MACROD2: variants seen among roughly 807,000 people sequenced by gnomAD.
The protein encoded by MACROD2 is mono-ADP ribosylhydrolase 2, also known as ADP-ribose glycohydrolase MACROD2.
Under a neutral mutation model 70.4 loss-of-function variants are expected in MACROD2, and 36 were observed. That is an observed-to-expected ratio of 0.51 (90% CI 0.39 to 0.68). The LOEUF (loss-of-function observed/expected upper bound fraction) is 0.68, where lower values mean the gene tolerates loss of function less well. Ranked by LOEUF, MACROD2 falls within the 30% of genes least tolerant of loss-of-function variation. MACROD2 has a pLI of 0.00. For missense variants in MACROD2, 496 were observed against 538.4 expected, an observed-to-expected ratio of 0.92 and a Z score of 0.78; for synonymous variants, 172 against 178.8, an observed-to-expected ratio of 0.96 and a Z score of 0.30.
At chr20:14,541,856 AAAT>A (rs957470064) in intron 4 of MACROD2, among the ~76,000 whole-genome samples, 3 of 152,200 alleles carry the variant, frequency 2.0e-5, no homozygotes, top group African/African-American at 7.2e-5. Context: ...TAGATCCTTT[AAAT>A]AATATGATTC....
intron 6 of MACROD2, among the ~76,000 whole-genome samples, chr20:15,420,072 T>G (rs2046207104): frequency 6.6e-6 from 1 of 152,216 alleles, no homozygotes; most frequent in Admixed American, 6.5e-5. Context: ...CTGTTCTCCT[T>G]TTCACATATG....
chr20:14,499,759 C>T (rs901752030), intron 4 of MACROD2, among the ~76,000 whole-genome samples: 2 of 152,094 alleles, frequency 1.3e-5, no homozygotes, highest in Admixed American at 6.6e-5. Flanking sequence ...TCCCTCCTGC[C>T]TCCCTTCCTT....
intron 5 of MACROD2, among the ~76,000 whole-genome samples, chr20:15,051,773 G>T (rs1355315871): frequency 2.1e-5 from 3 of 140,766 alleles, no homozygotes; most frequent in African/African-American, 5.6e-5. Context: ...TTTTTTTGAC[G>T]GAGTCTTTCT....
chr20:15,889,252 C>T (rs946469557), intron 10 of MACROD2, among the ~76,000 whole-genome samples: 2 of 152,132 alleles, frequency 1.3e-5, no homozygotes, highest in Non-Finnish European at 2.9e-5. Context: ...ACAATTAGCT[C>T]GTGTGAGCTG....
chr20:14,792,191 G>T (rs763513771), intron 5 of MACROD2, among the ~76,000 whole-genome samples: 4 of 151,792 alleles, frequency 2.6e-5, no homozygotes, highest in Non-Finnish European at 4.4e-5. Context: ...CTCTTTTTAT[G>T]CAATCCATTA....
At chr20:14,170,379 A>G (rs1249868890) in intron 3 of MACROD2, among the ~76,000 whole-genome samples, 2 of 152,178 alleles carry the variant, frequency 1.3e-5, no homozygotes, top group Non-Finnish European at 2.9e-5. Context: ...TTCCAGTACT[A>G]TGTTGAATAT....
At chr20:14,778,562 C>T (rs1456366746) in intron 5 of MACROD2, among the ~76,000 whole-genome samples, 3 of 152,084 alleles carry the variant, frequency 2.0e-5, no homozygotes, top group Non-Finnish European at 2.9e-5. Context: ...TCTCAGCCAG[C>T]GGGGCAATGT....
intron 2 of MACROD2, among the ~76,000 whole-genome samples, chr20:14,031,556 G>A (rs995030987): frequency 6.6e-6 from 1 of 151,914 alleles, no homozygotes; most frequent in African/African-American, 2.4e-5. Context: ...TTTTTTTCCT[G>A]GACATTGATT....
intron 3 of MACROD2, among the ~76,000 whole-genome samples, chr20:14,308,637 T>C (rs923167924): frequency 6.6e-6 from 1 of 152,164 alleles, no homozygotes; most frequent in African/African-American, 2.4e-5. Context: ...AACAAATCAA[T>C]TGTGGATTAG....
chr20:15,835,568 C>T (rs1384920018), intron 8 of MACROD2, among the ~76,000 whole-genome samples: 14 of 151,962 alleles, frequency 9.2e-5, no homozygotes, highest in Non-Finnish European at 1.5e-5. Context: ...GTTGTTAAAA[C>T]ACTAATGTTT....
chr20:15,669,853 T>C (rs2049955034), intron 8 of MACROD2, among the ~76,000 whole-genome samples: 1 of 152,188 alleles, frequency 6.6e-6, no homozygotes, highest in Non-Finnish European at 1.5e-5. Context: ...GGGGGAAGAC[T>C]GGAGTGCTAC....
intron 3 of MACROD2, among the ~76,000 whole-genome samples, chr20:14,282,044 A>G (rs1178278201): frequency 6.6e-6 from 1 of 151,978 alleles, no homozygotes; most frequent in Admixed American, 6.6e-5. Flanking sequence ...AATATTAATG[A>G]GTAGCATTGC....
chr20:14,605,877 A>T (rs2123415886), intron 4 of MACROD2, among the ~76,000 whole-genome samples: 1 of 152,254 alleles, frequency 6.6e-6, no homozygotes, highest in Middle Eastern at 3.4e-3. Flanking sequence ...TAGAGATGTA[A>T]CACCTGTTAG....
At chr20:15,648,030 AG>A (rs2049579416) in intron 8 of MACROD2, among the ~76,000 whole-genome samples, 2 of 152,198 alleles carry the variant, frequency 1.3e-5, no homozygotes, top group South Asian at 4.2e-4. Context: ...AGAGGACAAC[AG>A]ACAATTTTAA....
At chr20:15,045,719 GTTTTTTTTTTTTTT>G (rs71335981) in intron 5 of MACROD2, among the ~76,000 whole-genome samples, 2 of 73,382 alleles carry the variant, frequency 2.7e-5, no homozygotes, top group African/African-American at 4.8e-5. Flanking sequence ...CCAGACCAGG[GTTTTTTTTTTTTTT>G]TTTTTTTTTT....
At chr20:14,101,567 G>GAGTCTTTTTTTTTTTTTTTTTTTTTTTTT (rs2054302773) in intron 3 of MACROD2, among the ~76,000 whole-genome samples, 1 of 152,098 alleles carries the variant, frequency 6.6e-6, no homozygotes, top group East Asian at 1.9e-4. Context: ...GAGTTTGCCT[G>GAGTCTTTTTTTTTTTTTTTTTTTTTTTTT]TTAGGAAAGT....
At chr20:15,002,576 T>C (rs1443959639) in intron 5 of MACROD2, among the ~76,000 whole-genome samples, 1 of 152,140 alleles carries the variant, frequency 6.6e-6, no homozygotes, top group Non-Finnish European at 1.5e-5. Flanking sequence ...CTACCCAGCC[T>C]GATATTAAAC....
At chr20:15,405,117 C>A (rs534286369) in intron 6 of MACROD2, among the ~76,000 whole-genome samples, 6 of 151,890 alleles carry the variant, frequency 4.0e-5, no homozygotes, top group African/African-American at 1.2e-4. Flanking sequence ...TAGTGGTTGT[C>A]AGAGGATAAG....
intron 13 of MACROD2, among the ~76,000 whole-genome samples, chr20:15,969,171 T>A (rs1261959850): frequency 1.3e-5 from 2 of 152,012 alleles, no homozygotes; most frequent in Non-Finnish European, 2.9e-5. Flanking sequence ...TCACATTAGG[T>A]TAAGACCAGT....
Sources: allele counts gnomAD v4.1 joint callset (sites outside exome capture counted in the v4.1 genomes callset), GRCh38; gene constraint gnomAD v4.1.1; transcripts MANE v1.5; gene names NCBI Gene and HGNC (gene_info 2026-07-23, HGNC 2026-07-21).